ZNRF2: variants seen among roughly 807,000 people sequenced by gnomAD.
ZNRF2 encodes the protein zinc and ring finger 2, also known as E3 ubiquitin-protein ligase ZNRF2.
ZNRF2 carries 16 observed loss-of-function variants against 20.4 expected under a neutral mutation model. That is an observed-to-expected ratio of 0.79 (90% CI 0.53 to 1.19). ZNRF2 has a LOEUF of 1.19. ZNRF2 is among the 50% of genes most tolerant of loss of function. The probability of loss-of-function intolerance (pLI) is 0.00; values close to 1 mark genes in which losing one functional copy is unlikely to be tolerated. For missense variants in ZNRF2, 363 were observed against 332.4 expected, an observed-to-expected ratio of 1.09 and a Z score of -0.72; for synonymous variants, 178 against 144.9, an observed-to-expected ratio of 1.23 and a Z score of -1.64.
rs1344549276 is a variant in ZNRF2 at position 30,331,405 on chromosome 7, A to G, written c.565+7668A>G. On this transcript the variant is annotated intron_variant, in intron 2 of 4. Transcript: ENST00000323037. Reference sequence around the variant, plus strand: ...GAAAAATATTCAGATTTAACTAGACATTAATCACTGAAATTAGAGTCTGGC... The same window carrying G: ...GAAAAATATTCAGATTTAACTAGACGTTAATCACTGAAATTAGAGTCTGGC... Among the ~76,000 whole-genome samples, 4 of 152,340 alleles carry G rather than the reference A, an allele frequency of 2.6e-5. No homozygotes were observed. The South Asian group carries it at 6.2e-4, about 24-fold the overall frequency.
chr7:30,302,196 T>C lies in ZNRF2; in HGVS notation c.469+16370T>C, dbSNP rs1169786734. Among the ~76,000 whole-genome samples, 3 of 152,212 alleles carry C rather than the reference T, an allele frequency of 2.0e-5. No homozygotes were observed. In the East Asian group the frequency reaches 5.8e-4, roughly 29 times the overall value. ...TGTAGCAAGGACTAGAGAAAAGTGC[T>C]CCTCATTCTATATGTGAATATATGA... On this transcript the variant is annotated intron_variant, in intron 1 of 4. Transcript: ENST00000323037.
At chr7:30,294,991 G>T (rs1384251987) in intron 1 of ZNRF2, among the ~76,000 whole-genome samples, 1 of 149,700 alleles carries the variant, frequency 6.7e-6, no homozygotes, top group Non-Finnish European at 1.5e-5. Flanking sequence ...GAGGGAGGGG[G>T]ACAGAGAGAG....
At chr7:30,295,100 T>TGA (rs1554293463) in intron 1 of ZNRF2, among the ~76,000 whole-genome samples, 22 of 136,182 alleles carry the variant, frequency 1.6e-4, no homozygotes, top group African/African-American at 2.9e-4. Flanking sequence ...TGTGTGTGTG[T>TGA]GATTGCAGGT....
intron 1 of ZNRF2, among the ~76,000 whole-genome samples, chr7:30,299,928 C>G (rs372446967): frequency 1.3e-5 from 2 of 151,496 alleles, no homozygotes; most frequent in East Asian, 1.9e-4. Flanking sequence ...TACAGGCGCC[C>G]GCCACCACAC....
chr7:30,323,203 G>A (rs1488007431), intron 1 of ZNRF2, among the ~76,000 whole-genome samples: 3 of 152,102 alleles, frequency 2.0e-5, no homozygotes, highest in Admixed American at 2.0e-4. Context: ...TATTGAGGTA[G>A]AATAGTGTCT....
chr7:30,343,314 G>GA (rs1210043981), intron 2 of ZNRF2, among the ~76,000 whole-genome samples: 4 of 151,740 alleles, frequency 2.6e-5, no homozygotes, highest in Non-Finnish European at 5.9e-5. Flanking sequence ...GACTGTCTCT[G>GA]AAAAAACAAA....
At chr7:30,343,569 A>C (rs1158076894) in intron 2 of ZNRF2, among the ~76,000 whole-genome samples, 1 of 151,958 alleles carries the variant, frequency 6.6e-6, no homozygotes, top group East Asian at 1.9e-4. Context: ...TGCAAATTGC[A>C]TTTTTTAATA....
intron 2 of ZNRF2, among the ~76,000 whole-genome samples, chr7:30,331,007 A>G (rs781408386): frequency 6.6e-6 from 1 of 152,166 alleles, no homozygotes; most frequent in African/African-American, 2.4e-5. Context: ...GGCAGAATTG[A>G]AGAGCTATTT....
At chr7:30,331,494 A>G (rs1274518366) in intron 2 of ZNRF2, among the ~76,000 whole-genome samples, 1 of 152,214 alleles carries the variant, frequency 6.6e-6, no homozygotes, top group African/African-American at 2.4e-5. Context: ...AGTATAAGGT[A>G]GTTCTGAGGA....
intron 1 of ZNRF2, among the ~76,000 whole-genome samples, chr7:30,297,593 T>G (rs1799038716): frequency 6.6e-6 from 1 of 152,214 alleles, no homozygotes; most frequent in Admixed American, 6.5e-5. Flanking sequence ...TGGCTTCTAG[T>G]GTTGCTGTTG....
At chr7:30,362,511 A>T in intron 4 of ZNRF2, 55 bp downstream of exon 4, 1 of 1,101,302 alleles carries the variant, frequency 9.1e-7, no homozygotes, top group Non-Finnish European at 1.3e-6. Context: ...TACATTCTAA[A>T]CTATAATTTT....
chr7:30,362,408 T>A lies in ZNRF2; in HGVS notation c.703T>A (p.Ser235Thr). 1 of 1,597,614 alleles carries A rather than the reference T, an allele frequency of 6.3e-7. No individual in the cohort carries two copies. The highest frequency in any genetic ancestry group is 8.6e-7 in the Non-Finnish European group (1 of 1,169,454). The part of the protein sequence containing the change: ...CIDEWFEVNR[S>T]CPEHPSD ...AGATGAATGGTTTGAAGTAAATAGATCTTGCCCTGAGCACCCTTCAGATTA... is the reference window on the plus strand; with the variant it reads ...AGATGAATGGTTTGAAGTAAATAGAACTTGCCCTGAGCACCCTTCAGATTA... The change falls in exon 4 of 5, where the codon TCT (serine) becomes ACT (threonine). Residue 235 changes from serine (S) to threonine (T), a missense_variant. This residue lies in a region of ZNRF2 where 61 missense variants were observed against 100.9 expected (regional missense o/e 0.60). Transcript: ENST00000323037.
At chr7:30,298,479 T>C (rs987390555) in intron 1 of ZNRF2, among the ~76,000 whole-genome samples, 1 of 152,236 alleles carries the variant, frequency 6.6e-6, no homozygotes, top group African/African-American at 2.4e-5. Context: ...GATATTACTG[T>C]CTTTTCTCTT....
chr7:30,358,365 T>C (rs1433638742), intron 3 of ZNRF2, among the ~76,000 whole-genome samples: 1 of 152,204 alleles, frequency 6.6e-6, no homozygotes, highest in African/African-American at 2.4e-5. Flanking sequence ...ATAAAAGATA[T>C]GTAAGACTTT....
intron 4 of ZNRF2, among the ~76,000 whole-genome samples, chr7:30,363,230 C>T (rs1281598723): frequency 6.6e-6 from 1 of 152,196 alleles, no homozygotes. Flanking sequence ...AAGACTGTCT[C>T]AAAAACAACC....
chr7:30,301,407 C>T (rs1190430330), intron 1 of ZNRF2, among the ~76,000 whole-genome samples: 4 of 152,080 alleles, frequency 2.6e-5, no homozygotes, highest in African/African-American at 9.7e-5. Context: ...CGCTTAAACC[C>T]GGGTGGTGGA....
intron 1 of ZNRF2, among the ~76,000 whole-genome samples, chr7:30,322,786 G>T (rs1190237929): frequency 1.3e-5 from 2 of 152,196 alleles, no homozygotes; most frequent in East Asian, 3.8e-4. Flanking sequence ...TGGTGTCAGG[G>T]GAGGGAGCAG....
intron 2 of ZNRF2, among the ~76,000 whole-genome samples, chr7:30,324,648 CA>C (rs1562613263): frequency 6.6e-6 from 1 of 152,054 alleles, no homozygotes; most frequent in African/African-American, 2.4e-5. Flanking sequence ...AAAAGGATTT[CA>C]AAGGCTCTTC....
At position 30,301,702 on chromosome 7, in the gene ZNRF2, A is replaced by T. The variant is rs1011994896; in HGVS notation, c.469+15876A>T. 4.0e-3 allele frequency among the ~76,000 whole-genome samples: 396 copies of T among 98,804 alleles called. No homozygotes were observed. The African/African-American group carries it at 0.048, about 12-fold the overall frequency. The allele number at this position is 98,804 out of a possible 152,430, so 64.8% of individuals were successfully genotyped here. A position where few individuals can be genotyped will look rare whatever the true frequency, so the allele number is the denominator to read the frequency against. ...CTACAGGATAATGAGGCTTTTTTTA[A>T]AAAAAAAAAAAAAAAAAAAAACTTA... is the stretch of plus-strand genomic sequence containing the variant. On this transcript the variant is annotated intron_variant, in intron 1 of 4. Coordinates refer to ENST00000323037, the MANE Select transcript of ZNRF2 (RefSeq NM_147128.4).
Sources: gnomAD v4.1 joint callset for allele counts (sites outside exome capture counted in the v4.1 genomes callset) on GRCh38, gnomAD v4.1.1 for gene constraint, gnomAD v4.1.1 regional missense constraint, MANE v1.5 for transcripts, NCBI Gene and HGNC (gene_info 2026-07-23, HGNC 2026-07-21) for gene names.